SCARB2: variants seen among roughly 807,000 people sequenced by gnomAD.
SCARB2 encodes scavenger receptor class B member 2.
A neutral mutation model predicts 58.6 loss-of-function variants in SCARB2; 29 were observed. The ratio of observed to expected loss-of-function variants is 0.49; its 90% CI spans 0.37 to 0.67. The LOEUF (loss-of-function observed/expected upper bound fraction) is 0.67, where lower values mean the gene tolerates loss of function less well. Among genes scored for constraint, SCARB2 ranks in the 30% least tolerant of loss-of-function variants. SCARB2 has a pLI of 0.00. For synonymous variants in SCARB2, 195 were observed against 210.1 expected, an observed-to-expected ratio of 0.93 and a Z score of 0.62; for missense variants, 488 against 578.5, an observed-to-expected ratio of 0.84 and a Z score of 1.60.
chr4:76,212,282 G>T (rs1733065174), intron 1 of SCARB2, among the ~76,000 whole-genome samples: 2 of 151,994 alleles, frequency 1.3e-5, no homozygotes, highest in Admixed American at 1.3e-4. Flanking sequence ...TCAGACAGTG[G>T]GCCTTGTCTT....
chr4:76,201,315 T>G (rs536639157), intron 1 of SCARB2, among the ~76,000 whole-genome samples: 2 of 152,334 alleles, frequency 1.3e-5, no homozygotes, highest in East Asian at 3.9e-4. Context: ...TCATGAAACT[T>G]CACAAGTTTT....
At chr4:76,224,622 G>A (rs1299025173) in intron 1 of SCARB2, among the ~76,000 whole-genome samples, 1 of 152,086 alleles carries the variant, frequency 6.6e-6, no homozygotes, top group African/African-American at 2.4e-5. Context: ...GAGTGCAGTG[G>A]CATGATTTTG....
At chr4:76,225,713 A>C (rs1381833797) in intron 1 of SCARB2, among the ~76,000 whole-genome samples, 3 of 152,106 alleles carry the variant, frequency 2.0e-5, no homozygotes, top group Non-Finnish European at 4.4e-5. Context: ...AAGTTAAACC[A>C]CCCCTGTATC....
intron 1 of SCARB2, among the ~76,000 whole-genome samples, chr4:76,231,086 C>G (rs1733485457): frequency 6.6e-6 from 1 of 151,250 alleles, no homozygotes; most frequent in Non-Finnish European, 1.5e-5. Context: ...AAGCTGCATG[C>G]TAAGGTGAAA....
intron 2 of SCARB2, among the ~76,000 whole-genome samples, chr4:76,188,430 G>C (rs995582423): frequency 2.6e-5 from 4 of 152,170 alleles, no homozygotes; most frequent in African/African-American, 9.7e-5. Flanking sequence ...TTACTATTCT[G>C]AACTCCCCAG....
In SCARB2 at chr4:76,160,027, T is replaced by C. The variant is rs767612700; in HGVS notation, c.*1686A>G. 24 of 152,228 alleles carry C rather than the reference T, an allele frequency of 1.6e-4. No homozygotes were observed. Among genetic ancestry groups the C allele is most frequent in the Non-Finnish European group, 2.8e-4 (19 of 68,042 alleles). The allele number at this position is 152,228 out of a possible 1,614,324, so 9.4% of individuals were successfully genotyped here. On this transcript the variant is annotated 3_prime_UTR_variant, in exon 12 of 12. Transcript: ENST00000264896. ...AGACCAAATATTTTTGTTAGTTTTT[T>C]TACATTTTGGTGAGTTGGAGTATCT...
intron 6 of SCARB2, 65 bp from the exon 7 acceptor site, chr4:76,174,378 C>T: frequency 6.8e-7 from 1 of 1,479,502 alleles, no homozygotes; most frequent in East Asian, 2.3e-5. Context: ...CCGAAATCCG[C>T]AAGTTAGCAA....
At chr4:76,163,678 T>C in intron 10 of SCARB2, 3 of 431,712 alleles carry the variant, frequency 6.9e-6, no homozygotes, top group Non-Finnish European at 1.3e-5. Context: ...ATAATTCCAA[T>C]TCATCCTTAA....
At position 76,160,746 on chromosome 4, in the gene SCARB2, T is replaced by G. The variant is rs1437225328; in HGVS notation, c.*967A>C. The stretch of plus-strand genomic sequence containing the variant: ...GACTTTCTGAAACTTATGTGTAACT[T>G]AGGCTGTAGATAGATGGATTTCCCA... On this transcript the variant is annotated 3_prime_UTR_variant, in exon 12 of 12. Coordinates refer to ENST00000264896, the MANE Select transcript of SCARB2 (RefSeq NM_005506.4). The G allele has an allele frequency of 6.6e-6, 1 of 152,210 alleles. No homozygotes were observed. The highest frequency in any genetic ancestry group is 2.4e-5 in the African/African-American group (1 of 41,460). 9.4% of individuals were successfully genotyped at this position (152,210 alleles called of 1,614,324 possible).
intron 1 of SCARB2, among the ~76,000 whole-genome samples, chr4:76,220,214 T>A (rs916369253): frequency 2.6e-5 from 4 of 152,184 alleles, no homozygotes; most frequent in African/African-American, 4.8e-5. Flanking sequence ...AAACCAGTGT[T>A]CATAGCAGCA....
At chr4:76,217,853 A>G (rs1258554559), upstream of SCARB2, among the ~76,000 whole-genome samples, 1 of 152,230 alleles carries the variant, frequency 6.6e-6, no homozygotes, top group Non-Finnish European at 1.5e-5. Flanking sequence ...TTATGCAATC[A>G]TTCGGGACTT....
intron 1 of SCARB2, among the ~76,000 whole-genome samples, chr4:76,196,605 A>C (rs937833885): frequency 9.8e-5 from 15 of 152,308 alleles, no homozygotes; most frequent in African/African-American, 3.4e-4. Context: ...GGGCCCAAGA[A>C]GGCCAGTTTT....
intron 3 of SCARB2, 191 bp from the exon 4 acceptor site, chr4:76,179,896 C>T: frequency 3.1e-6 from 2 of 645,996 alleles, no homozygotes; most frequent in Admixed American, 2.4e-5. Context: ...TGTCCTTTCC[C>T]AGTACTGCAT....
intron 5 of SCARB2, 54 bp downstream of exon 5, chr4:76,176,383 G>T: frequency 8.2e-7 from 1 of 1,220,826 alleles, no homozygotes; most frequent in Non-Finnish European, 1.2e-6. Context: ...AAGTAGACAT[G>T]TAGTTTAAAT....
intron 1 of SCARB2, among the ~76,000 whole-genome samples, chr4:76,208,906 G>A (rs1203098187): frequency 6.6e-6 from 1 of 152,188 alleles, no homozygotes; most frequent in African/African-American, 2.4e-5. Context: ...AGGAAAGGGG[G>A]TGTTAGTGAT....
chr4:76,181,575 C>G (rs1732386400), intron 2 of SCARB2, among the ~76,000 whole-genome samples: 2 of 152,092 alleles, frequency 1.3e-5, no homozygotes, highest in East Asian at 1.9e-4. Flanking sequence ...ACTCCTGTTT[C>G]TTTTTTTGAG....
At chr4:76,169,477 C>A (rs1560705910) in intron 8 of SCARB2, among the ~76,000 whole-genome samples, 1 of 152,090 alleles carries the variant, frequency 6.6e-6, no homozygotes, top group Non-Finnish European at 1.5e-5. Flanking sequence ...CCAAAATATT[C>A]CTGGCAGTGA....
intron 11 of SCARB2, chr4:76,162,994 G>A: frequency 1.1e-5 from 7 of 616,782 alleles, no homozygotes; most frequent in Non-Finnish European, 2.0e-5. Flanking sequence ...CATCCAAAGA[G>A]ATTCTATTCC....
At chr4:76,186,896 C>T (rs1024021963) in intron 2 of SCARB2, among the ~76,000 whole-genome samples, 5 of 151,828 alleles carry the variant, frequency 3.3e-5, no homozygotes, top group South Asian at 2.1e-4. Flanking sequence ...AATCTAAAAA[C>T]ACTATCAGAG....
Sources: allele counts gnomAD v4.1 joint callset (sites outside exome capture counted in the v4.1 genomes callset), GRCh38; gene constraint gnomAD v4.1.1; transcripts MANE v1.5; gene names NCBI Gene and HGNC (gene_info 2026-07-23, HGNC 2026-07-21).